The following VAV2 variants were observed in gnomAD, a reference collection of about 807,000 sequenced individuals.
VAV2 encodes the protein vav guanine nucleotide exchange factor 2, also known as guanine nucleotide exchange factor VAV2.
A neutral mutation model predicts 132.5 loss-of-function variants in VAV2; 67 were observed. The observed-to-expected ratio is 0.51, with a 90% CI of 0.42 to 0.62. VAV2 has a LOEUF of 0.62. Among genes scored for constraint, VAV2 ranks in the 20% least tolerant of loss-of-function variants. The pLI is 0.00. For synonymous variants in VAV2, 492 were observed against 443.5 expected (o/e 1.11, Z -1.37); for missense variants, 938 against 1,153.6 (o/e 0.81, Z 2.71).
intron 4 of VAV2, among the ~76,000 whole-genome samples, chr9:133,829,326 G>A (rs943573782): frequency 2.0e-5 from 3 of 152,356 alleles, no homozygotes; most frequent in Admixed American, 1.3e-4. Flanking sequence ...GCTCTCAAAA[G>A]CGAGCTTAGA....
rs374653028 is a variant in VAV2, at chr9:133,834,307, G to A, written c.414C>T (p.Asp138=). 8.1e-6 allele frequency: 13 copies of A among 1,612,558 alleles called. No homozygotes were observed. The African/African-American group carries it at 1.2e-4, about 15-fold the overall frequency. Residue 138 remains aspartate (D), a synonymous_variant, in exon 4 of 30, where the codon GAC becomes GAT. Coordinates refer to ENST00000371850, the MANE Select transcript of VAV2 (RefSeq NM_001134398.2). This position sits in a 1 kb window ranked among gnomAD's most constrained non-coding sequence, Gnocchi z 5.9. ...CCTCCAGGCTGCGGTAGACGTCATC[G>A]TCATTCTCTGTGGTCTCCTCTGAGG... ...PFPSEETTEN[D]DDVYRSLEEL...
intron 2 of VAV2, among the ~76,000 whole-genome samples, chr9:133,888,209 G>A (rs1838790033): frequency 6.6e-6 from 1 of 152,230 alleles, no homozygotes; most frequent in African/African-American, 2.4e-5. Context: ...GCCAGGGGAG[G>A]CTGGGGTGAG....
chr9:133,804,325 C>T lies in VAV2; in HGVS notation c.836+1756G>A, dbSNP rs761416201. On this transcript the variant is annotated intron_variant, in intron 9 of 29. Transcript: ENST00000371850. This position sits in a 1 kb window ranked among gnomAD's most constrained non-coding sequence, Gnocchi z 4.5. ...GACTGACGGATCTCGCCACACGCCT[C>T]GCTGCCAGGGACGGAGCTGCCCGTC... Among the ~76,000 whole-genome samples, 27 of 152,364 alleles carry T rather than the reference C, an allele frequency of 1.8e-4. No homozygotes were observed. Among genetic ancestry groups the T allele is most frequent in the Admixed American group, 2.6e-4 (4 of 15,310 alleles).
intron 1 of VAV2, among the ~76,000 whole-genome samples, chr9:133,952,835 C>T (rs2256875): frequency 0.26 from 38,607 of 146,586 alleles, 5,663 homozygotes; most frequent in East Asian, 0.4. Flanking sequence ...CACAGCCCCA[C>T]TGACACCTAG....
rs1321493519 is a variant in VAV2 at position 133,797,741 on chromosome 9, G to A, written c.905C>T (p.Ala302Val). The A allele has an allele frequency of 1.2e-6, 2 of 1,613,976 alleles. No homozygotes were observed. Among genetic ancestry groups the A allele is most frequent in the Admixed American group, 1.7e-5 (1 of 59,996 alleles). ...TTTCTGCCTGAAGTCCTCCCGGCTG[G>A]CCAGGAGCTGGTTCAGTGTGTTCTG... ...HAQNTLNQLL[A>V]SREDFRQKVE... is the part of the protein sequence containing the mutation. Residue 302 changes from alanine (A) to valine (V), a missense_variant, in exon 10 of 30, where the codon GCC becomes GTC. Coordinates refer to ENST00000371850, the MANE Select transcript of VAV2 (RefSeq NM_001134398.2).
intron 2 of VAV2, among the ~76,000 whole-genome samples, chr9:133,906,057 A>G (rs1000284561): frequency 1.3e-5 from 2 of 152,096 alleles, no homozygotes; most frequent in African/African-American, 2.4e-5. Context: ...CAAAAAAAGA[A>G]AGAGGTTCCT....
At position 133,863,911 on chromosome 9, in the gene VAV2, G is replaced by A. The variant is rs1214212270; in HGVS notation, c.322-2479C>T. Among the ~76,000 whole-genome samples, 1 of 152,040 alleles carries A rather than the reference G, an allele frequency of 6.6e-6. No homozygotes were observed. The highest frequency in any genetic ancestry group is 1.5e-5 in the Non-Finnish European group (1 of 68,016). On this transcript the variant is annotated intron_variant, in intron 2 of 29. Transcript: ENST00000371850. This position sits in a 1 kb window ranked among gnomAD's most constrained non-coding sequence, Gnocchi z 5.0. Reference sequence around the variant, plus strand: ...TGAAACCCACTGGCCTGAAAGGTTAGGAGCAGAAGTACCTCCCTGCAGGAG... The same window carrying A: ...TGAAACCCACTGGCCTGAAAGGTTAAGAGCAGAAGTACCTCCCTGCAGGAG...
intron 1 of VAV2, among the ~76,000 whole-genome samples, chr9:133,940,694 T>TGC (rs1564484110): frequency 1.6e-4 from 20 of 125,452 alleles, no homozygotes; most frequent in Non-Finnish European, 3.2e-4. Context: ...TGTGTGTGTG[T>TGC]GTGTGTGTGT....
chr9:133,915,276 CCTT>C (rs1351656466), intron 2 of VAV2, among the ~76,000 whole-genome samples: 1 of 152,212 alleles, frequency 6.6e-6, no homozygotes, highest in African/African-American at 2.4e-5. Context: ...GTCCCGCCCT[CCTT>C]GTGATCACGT....
intron 4 of VAV2, among the ~76,000 whole-genome samples, chr9:133,820,380 G>A (rs56206559): frequency 1.3e-5 from 2 of 150,462 alleles, no homozygotes; most frequent in African/African-American, 4.9e-5. Context: ...CTGAAGTGCA[G>A]TGGCACTATC....
At chr9:133,767,252 A>G (rs1833468463) in intron 29 of VAV2, among the ~76,000 whole-genome samples, 1 of 152,214 alleles carries the variant, frequency 6.6e-6, no homozygotes, top group East Asian at 1.9e-4. Flanking sequence ...AAGGAAATAG[A>G]AAAGTTTAAG....
intron 2 of VAV2, among the ~76,000 whole-genome samples, chr9:133,917,857 G>A (rs890329598): frequency 6.6e-6 from 1 of 152,192 alleles, no homozygotes; most frequent in Non-Finnish European, 1.5e-5. Flanking sequence ...GGGAGACCAG[G>A]ACAGTGGGAG....
Position 133,809,037 on chromosome 9 carries a change from C to A in VAV2, c.666+3G>T, listed in dbSNP as rs763861517. On this transcript the variant is annotated splice_donor_region_variant and intron_variant, in intron 7 of 29. Transcript: ENST00000371850. ...TTTTCCAGTGGCCGCCATCTGCCCT[C>A]ACCTTCTCAATGTCCTCCAGGGTGC... 6.2e-7 allele frequency: 1 copy of A among 1,613,514 alleles called. No individual in the cohort carries two copies. The highest frequency in any genetic ancestry group is 8.5e-7 in the Non-Finnish European group (1 of 1,179,590).
chr9:133,926,620 CT>C lies in VAV2; in HGVS notation c.321+12482del, dbSNP rs1346418711. Among the ~76,000 whole-genome samples the C allele has an allele frequency of 6.6e-6, 1 of 152,176 alleles. No homozygotes were observed. The highest frequency in any genetic ancestry group is 1.5e-5 in the Non-Finnish European group (1 of 68,026). ...CTCTGGACCTTTGCACATGCTGCCC[CT>C]GAGACCTCCCATACCACCACCTTCA... On this transcript the variant is annotated intron_variant, in intron 2 of 29. Transcript: ENST00000371850. This position sits in a 1 kb window ranked among gnomAD's most constrained non-coding sequence, Gnocchi z 4.3.
chr9:133,781,085 G>A (rs184869612), intron 19 of VAV2, among the ~76,000 whole-genome samples: 2 of 152,344 alleles, frequency 1.3e-5, no homozygotes, highest in East Asian at 3.9e-4. Context: ...CAATCGCTTA[G>A]TGATGCCTGC....
chr9:133,923,683 C>T (rs1840373535), intron 2 of VAV2, among the ~76,000 whole-genome samples: 1 of 152,198 alleles, frequency 6.6e-6, no homozygotes, highest in Non-Finnish European at 1.5e-5. Context: ...TATAAAGACA[C>T]ATGCACATGT....
intron 1 of VAV2, among the ~76,000 whole-genome samples, chr9:133,986,548 T>C (rs1313887614): frequency 6.6e-6 from 1 of 152,184 alleles, no homozygotes; most frequent in Non-Finnish European, 1.5e-5. Context: ...GAGACAGCAG[T>C]GCTGTGGTTA....
intron 14 of VAV2, among the ~76,000 whole-genome samples, 182 bp downstream of exon 14, chr9:133,789,076 G>T (rs1834347937): frequency 6.6e-6 from 1 of 152,236 alleles, no homozygotes; most frequent in African/African-American, 2.4e-5. Flanking sequence ...CCCCACTGCT[G>T]TGGCGCCCGC....
chr9:133,886,695 C>T (rs1288581567), intron 2 of VAV2, among the ~76,000 whole-genome samples: 2 of 152,346 alleles, frequency 1.3e-5, no homozygotes, highest in East Asian at 3.9e-4. Flanking sequence ...ACACATTACA[C>T]ACCCCGCCAA....
Sources: gnomAD v4.1 joint callset for allele counts (sites outside exome capture counted in the v4.1 genomes callset) on GRCh38, gnomAD v4.1.1 for gene constraint, Gnocchi (gnomAD v3.1) non-coding constraint, MANE v1.5 for transcripts, NCBI Gene and HGNC (gene_info 2026-07-23, HGNC 2026-07-21) for gene names.